ADCY9: variants seen among roughly 807,000 people sequenced by gnomAD.
The protein encoded by ADCY9 is adenylate cyclase 9.
Under a neutral mutation model 101.5 loss-of-function variants are expected in ADCY9, and 50 were observed. The ratio of observed to expected loss-of-function variants is 0.49; its 90% CI spans 0.39 to 0.62. ADCY9 has a LOEUF of 0.62. Among genes scored for constraint, ADCY9 ranks in the 20% least tolerant of loss-of-function variants. ADCY9 has a pLI of 0.00. For synonymous variants in ADCY9, 905 were observed against 769.3 expected (o/e 1.18, Z -2.92); for missense variants, 1,662 against 1,800.4 (o/e 0.92, Z 1.39).
rs1018317816 is a variant in ADCY9, at chr16:3,963,032, C to T, written c.*2743G>A. 2 of 151,996 alleles carry T rather than the reference C, an allele frequency of 1.3e-5. No homozygotes were observed. Among genetic ancestry groups the T allele is most frequent in the African/African-American group, 2.6e-5 (1 of 38,762 alleles). 9.4% of individuals were successfully genotyped at this position (151,996 alleles called of 1,614,324 possible). ...GAGCCTGTGGGGCTCTCAAGCTATTCGAGGGTTTTGTAACTGATGCTCTAC... is the reference window on the plus strand; with the variant it reads ...GAGCCTGTGGGGCTCTCAAGCTATTTGAGGGTTTTGTAACTGATGCTCTAC... On this transcript the variant is annotated 3_prime_UTR_variant, in exon 11 of 11. Coordinates refer to ENST00000294016, the MANE Select transcript of ADCY9 (RefSeq NM_001116.4).
intron 2 of ADCY9, among the ~76,000 whole-genome samples, chr16:4,083,136 A>G (rs766369245): frequency 1.3e-5 from 2 of 152,258 alleles, no homozygotes; most frequent in Non-Finnish European, 2.9e-5. Context: ...TTCTTGTTAC[A>G]TGAGATAGTA....
chr16:3,980,220 A>C (rs912861538), intron 7 of ADCY9, among the ~76,000 whole-genome samples: 9 of 152,300 alleles, frequency 5.9e-5, no homozygotes, highest in African/African-American at 2.2e-4. Context: ...GACTGTATTC[A>C]CTGACTCCTT....
intron 2 of ADCY9, among the ~76,000 whole-genome samples, chr16:4,058,422 C>T (rs2141157749): frequency 6.7e-6 from 1 of 149,486 alleles, no homozygotes; most frequent in South Asian, 2.1e-4. Context: ...CCAAGATCGC[C>T]CCACTGCACT....
At chr16:3,967,057 G>T in intron 10 of ADCY9, 91 bp from the exon 11 acceptor site, 1 of 1,079,238 alleles carries the variant, frequency 9.3e-7, no homozygotes, top group Non-Finnish European at 1.3e-6. Context: ...GCTTTGTTGA[G>T]TCCAGGCCTT....
chr16:4,103,683 AGCCGG>A, intron 2 of ADCY9, among the ~76,000 whole-genome samples: 1 of 152,204 alleles, frequency 6.6e-6, no homozygotes, highest in East Asian at 1.9e-4. Flanking sequence ...GACAAAAATT[AGCCGG>A]GCGTGGTGGC....
In ADCY9 at chr16:4,031,620, A is replaced by G. The variant is rs1233744782; in HGVS notation, c.1694-24062T>C. On this transcript the variant is annotated intron_variant, in intron 2 of 10. Transcript: ENST00000294016. Reference sequence around the variant, plus strand: ...TTGCGAAGGCCAGGCACAGTAGCTCACACCTGGAATCGCAGCACTTTGGGA... The same window carrying G: ...TTGCGAAGGCCAGGCACAGTAGCTCGCACCTGGAATCGCAGCACTTTGGGA... 2.0e-5 allele frequency among the ~76,000 whole-genome samples: 3 copies of G among 152,226 alleles called. No homozygotes were observed. The East Asian group carries it at 5.8e-4, about 29-fold the overall frequency.
In ADCY9 at chr16:4,025,001, G is replaced by C. The variant is rs369357760; in HGVS notation, c.1694-17443C>G. ...AGCAGGTGGGGAGGCCTGGGAAGCA[G>C]CCTTGGAGCTGCAATGTTTTGAACG... On this transcript the variant is annotated intron_variant, in intron 2 of 10. Transcript: ENST00000294016. Among the ~76,000 whole-genome samples, 293 of 152,004 alleles carry C rather than the reference G, an allele frequency of 1.9e-3. 2 individuals carry two copies. The highest frequency in any genetic ancestry group is 7.0e-3 in the African/African-American group (289 of 41,458).
At chr16:4,056,742 T>G (rs946970632) in intron 2 of ADCY9, among the ~76,000 whole-genome samples, 1 of 152,242 alleles carries the variant, frequency 6.6e-6, no homozygotes, top group Non-Finnish European at 1.5e-5. Context: ...CTGTGCCTAG[T>G]GCATAGTAAG....
chr16:4,020,474 C>T (rs138690100), intron 2 of ADCY9, among the ~76,000 whole-genome samples: 1,703 of 152,150 alleles, frequency 0.011, 24 homozygotes, highest in African/African-American at 0.039. Context: ...GACATTTAGA[C>T]GCAAATACGA....
At chr16:4,111,835 C>T (rs1342202217) in intron 2 of ADCY9, among the ~76,000 whole-genome samples, 1 of 141,672 alleles carries the variant, frequency 7.1e-6, no homozygotes, top group Non-Finnish European at 1.5e-5. Flanking sequence ...AAAAAAAACA[C>T]AAACTCACTC....
intron 2 of ADCY9, among the ~76,000 whole-genome samples, chr16:4,069,721 C>T (rs1462224501): frequency 1.3e-5 from 2 of 152,132 alleles, no homozygotes. Context: ...TGTTACAGTT[C>T]TTACTTCTGT....
chr16:3,989,172 T>A (rs1198478368), intron 5 of ADCY9, 76 bp from the exon 6 acceptor site: 11 of 1,133,486 alleles, frequency 9.7e-6, no homozygotes, highest in African/African-American at 1.5e-5. Context: ...CATAATTAGC[T>A]ACCAAAACGC....
At chr16:4,109,407 C>T (rs79416188) in intron 2 of ADCY9, among the ~76,000 whole-genome samples, 35 of 152,306 alleles carry the variant, frequency 2.3e-4, no homozygotes, top group Admixed American at 1.6e-3. Flanking sequence ...GTTTTGTTTA[C>T]GGCTGTATTG....
At chr16:4,066,351 TCTCTC>T (rs1268053412) in intron 2 of ADCY9, among the ~76,000 whole-genome samples, 1 of 152,202 alleles carries the variant, frequency 6.6e-6, no homozygotes, top group African/African-American at 2.4e-5. Flanking sequence ...TTTACTTTTC[TCTCTC>T]CTCTCTCTAG....
chr16:4,074,529 C>T (rs1338385350), intron 2 of ADCY9, among the ~76,000 whole-genome samples: 1 of 142,028 alleles, frequency 7.0e-6, no homozygotes. Context: ...GATCTGCCTC[C>T]GCAAAAAAAA....
At chr16:4,016,832 G>A (rs1355159591) in intron 2 of ADCY9, among the ~76,000 whole-genome samples, 1 of 152,160 alleles carries the variant, frequency 6.6e-6, no homozygotes, top group Non-Finnish European at 1.5e-5. Flanking sequence ...AGGAGAGAGA[G>A]GGTGTAACTG....
chr16:4,036,109 C>T (rs941863510), intron 2 of ADCY9, among the ~76,000 whole-genome samples: 6 of 149,210 alleles, frequency 4.0e-5, no homozygotes, highest in Non-Finnish European at 8.9e-5. Context: ...TGTGATCTTC[C>T]AGTACACTGG....
chr16:4,024,882 C>G (rs1166963318), intron 2 of ADCY9, among the ~76,000 whole-genome samples: 1 of 152,140 alleles, frequency 6.6e-6, no homozygotes, highest in Non-Finnish European at 1.5e-5. Context: ...GTGACACGCT[C>G]AAGCGATAGG....
intron 3 of ADCY9, among the ~76,000 whole-genome samples, chr16:3,997,605 G>C (rs2056297282): frequency 6.6e-6 from 1 of 152,242 alleles, no homozygotes; most frequent in South Asian, 2.1e-4. Flanking sequence ...GCCAGCTGTA[G>C]ACACCCACGC....
Sources: allele counts gnomAD v4.1 joint callset (sites outside exome capture counted in the v4.1 genomes callset), GRCh38; gene constraint gnomAD v4.1.1; transcripts MANE v1.5; gene names NCBI Gene and HGNC (gene_info 2026-07-23, HGNC 2026-07-21).